The following NR2C1 variants were observed in gnomAD, a reference collection of about 807,000 sequenced individuals.
NR2C1 encodes the protein TR2 nuclear hormone receptor.
Under a neutral mutation model 74.8 loss-of-function variants are expected in NR2C1, and 33 were observed. The ratio of observed to expected loss-of-function variants is 0.44; its 90% confidence interval spans 0.33 to 0.59. The LOEUF (loss-of-function observed/expected upper bound fraction) is 0.59. NR2C1 is among the 20% of genes least tolerant of loss of function. The pLI is 0.02. For synonymous variants in NR2C1, 225 were observed against 240.6 expected, an observed-to-expected ratio of 0.94 and a Z score of 0.60; for missense variants, 568 against 715.6, an observed-to-expected ratio of 0.79 and a Z score of 2.35.
At chr12:95,025,741 A>G (rs1370826027) in intron 12 of NR2C1, among the ~76,000 whole-genome samples, 4 of 150,324 alleles carry the variant, frequency 2.7e-5, no homozygotes, top group African/African-American at 9.8e-5. Flanking sequence ...ACCAAGCACT[A>G]TATTTTACAT....
chr12:95,070,973 G>C (rs976901892), intron 1 of NR2C1, among the ~76,000 whole-genome samples: 4 of 152,214 alleles, frequency 2.6e-5, no homozygotes, highest in Non-Finnish European at 1.5e-5. Context: ...GCCAAGGCAC[G>C]TGGATCACCT....
At chr12:95,056,488 G>C (rs1873894079) in intron 7 of NR2C1, among the ~76,000 whole-genome samples, 1 of 152,068 alleles carries the variant, frequency 6.6e-6, no homozygotes, top group South Asian at 2.1e-4. Flanking sequence ...TGGATGACTT[G>C]GATACATAAA....
chr12:95,031,807 T>C (rs1276148500), intron 10 of NR2C1, among the ~76,000 whole-genome samples: 2 of 152,196 alleles, frequency 1.3e-5, no homozygotes, highest in Non-Finnish European at 2.9e-5. Context: ...CAAAAGCATA[T>C]ATTAAAAAAA....
chr12:95,065,629 ACT>A (rs1013298597), intron 2 of NR2C1, among the ~76,000 whole-genome samples: 4 of 151,952 alleles, frequency 2.6e-5, no homozygotes, highest in Admixed American at 6.6e-5. Context: ...ATCCAATTAT[ACT>A]CTTTTAGTTA....
At chr12:95,051,713 C>G (rs1259391324) in intron 8 of NR2C1, 49 bp downstream of exon 8, 1 of 1,476,374 alleles carries the variant, frequency 6.8e-7, no homozygotes, top group Admixed American at 2.4e-5. Context: ...TTAAGAAATA[C>G]TGAAAGACAT....
intron 13 of NR2C1, among the ~76,000 whole-genome samples, chr12:95,022,700 A>ATTTTTTTTTTT (rs373684275): frequency 7.0e-6 from 1 of 143,296 alleles, no homozygotes. Context: ...AAGTTATACA[A>ATTTTTTTTTTT]TTTTTTTTTT....
Position 95,059,986 on chromosome 12 carries a change from TAA to T in NR2C1, c.286-4_286-3del, listed in dbSNP as rs79760875. The stretch of plus-strand genomic sequence containing the variant: ...GTCTGGAGAATTATCTGTTAGGAGC[TAA>T]AAAAAAAAAAAAAAAAAAAGAAAAC... On this transcript the variant is annotated splice_region_variant and splice_polypyrimidine_tract_variant and intron_variant, in intron 3 of 13. Transcript: ENST00000333003. 0.19 allele frequency: 195,948 copies of T among 1,037,436 alleles called. 1,211 individuals are homozygous for T. The highest frequency in any genetic ancestry group is 0.2 in the Non-Finnish European group (157,794 of 799,024). 64.3% of individuals were successfully genotyped at this position (1,037,436 alleles called of 1,614,324 possible). A position where few individuals can be genotyped will look rare whatever the true frequency, so the allele number is the denominator to read the frequency against.
intron 7 of NR2C1, among the ~76,000 whole-genome samples, chr12:95,053,369 G>C (rs779778598): frequency 3.9e-5 from 6 of 151,972 alleles, no homozygotes; most frequent in African/African-American, 1.2e-4. Context: ...CAACTCTTTT[G>C]ACAACTCAGA....
chr12:95,062,180 T>C (rs1874881135), intron 3 of NR2C1, among the ~76,000 whole-genome samples: 1 of 152,214 alleles, frequency 6.6e-6, no homozygotes, highest in Non-Finnish European at 1.5e-5. Flanking sequence ...CAATAGTCGA[T>C]CTTGAAAACC....
intron 4 of NR2C1, among the ~76,000 whole-genome samples, chr12:95,059,301 C>A (rs1334495500): frequency 2.6e-4 from 36 of 137,476 alleles, no homozygotes; most frequent in Non-Finnish European, 2.5e-4. Context: ...GACTCCATCT[C>A]AAAAAAAAAA....
intron 7 of NR2C1, among the ~76,000 whole-genome samples, chr12:95,055,013 C>G (rs1176776737): frequency 6.6e-6 from 1 of 152,192 alleles, no homozygotes; most frequent in Non-Finnish European, 1.5e-5. Context: ...TTGCACCGCC[C>G]TTAATCCATT....
chr12:95,053,130 T>G (rs1159035237), intron 7 of NR2C1, among the ~76,000 whole-genome samples: 1 of 151,900 alleles, frequency 6.6e-6, no homozygotes, highest in African/African-American at 2.4e-5. Flanking sequence ...CATACCACCA[T>G]GTCCAGCTAA....
chr12:95,068,242 T>C (rs1396226133), intron 1 of NR2C1, among the ~76,000 whole-genome samples: 1 of 152,186 alleles, frequency 6.6e-6, no homozygotes, highest in Admixed American at 6.5e-5. Flanking sequence ...GTCCTCTTCA[T>C]AGAAGGACAT....
At chr12:95,030,522 G>C in intron 11 of NR2C1, 1 of 1,603,210 alleles carries the variant, frequency 6.2e-7, no homozygotes, top group Admixed American at 1.7e-5. Flanking sequence ...ACCATTACAG[G>C]CATATAAGAC....
chr12:95,046,900 T>A (rs1872387001), intron 9 of NR2C1, among the ~76,000 whole-genome samples: 1 of 151,946 alleles, frequency 6.6e-6, no homozygotes, highest in African/African-American at 2.4e-5. Context: ...GATGAAGTGG[T>A]CCTTTTCAGG....
rs1868660494 is a variant in NR2C1, at chr12:95,020,303, AAT to A, written c.*1924_*1925del. ...AAATTTGTAATGCAAGTCACATTTT[AAT>A]ATAGTTTTAAAGTCTTCCAAATATA... On this transcript the variant is annotated 3_prime_UTR_variant, in exon 14 of 14. Coordinates refer to ENST00000333003, the MANE Select transcript of NR2C1 (RefSeq NM_003297.4). 1 of 152,220 alleles carries A rather than the reference AAT, an allele frequency of 6.6e-6. No homozygotes were observed. Among genetic ancestry groups the A allele is most frequent in the African/African-American group, 2.4e-5 (1 of 41,472 alleles). The allele number at this position is 152,220 out of a possible 1,614,324, so 9.4% of individuals were successfully genotyped here.
chr12:95,057,866 T>C lies in NR2C1; in HGVS notation c.557A>G (p.Glu186Gly), dbSNP rs1464745912. 6 of 1,613,228 alleles carry C rather than the reference T, an allele frequency of 3.7e-6. No homozygotes were observed. The highest frequency in any genetic ancestry group is 4.2e-6 in the Non-Finnish European group (5 of 1,179,434). ...TCGTGATACTTCAATGGGTTTTCTT[T>C]CACATTGGACAGCTACAAAAATGTG... ...FGMKQDSVQC[E>G]RKPIEVSREK... The change falls in exon 6 of 14, where the codon GAA becomes GGA. Residue 186 changes from glutamate (E) to glycine (G), a missense_variant. Glu to Gly is a moderately conservative substitution (Grantham distance 98). This residue lies in a region of NR2C1 where 239 missense variants were observed against 232.3 expected (regional missense o/e 1.03). Transcript: ENST00000333003.
At chr12:95,064,234 C>A (rs1435748246) in intron 2 of NR2C1, among the ~76,000 whole-genome samples, 2 of 149,380 alleles carry the variant, frequency 1.3e-5, no homozygotes, top group South Asian at 2.1e-4. Flanking sequence ...GAGGCTGAGG[C>A]AGGAGAATCA....
intron 9 of NR2C1, among the ~76,000 whole-genome samples, chr12:95,045,395 T>C (rs1183027632): frequency 6.6e-6 from 1 of 152,132 alleles, no homozygotes; most frequent in Non-Finnish European, 1.5e-5. Flanking sequence ...TAATTTGATT[T>C]TTAACAAATA....
Sources: allele counts gnomAD v4.1 joint callset (sites outside exome capture counted in the v4.1 genomes callset), GRCh38; gene constraint gnomAD v4.1.1; regional missense constraint gnomAD v4.1.1; transcripts MANE v1.5; gene names NCBI Gene and HGNC (gene_info 2026-07-23, HGNC 2026-07-21).